Variants in ABCA8 observed in about 807,000 individuals in gnomAD.
ABCA8 encodes the protein ATP binding cassette subfamily A member 8.
Under a neutral mutation model 192.3 loss-of-function variants are expected in ABCA8, and 177 were observed. The observed-to-expected ratio is 0.92, with a 90% CI of 0.81 to 1.04. ABCA8 has a LOEUF of 1.04. Ranked by LOEUF, ABCA8 falls within the 50% of genes least tolerant of loss-of-function variation. ABCA8 has a pLI of 0.00. For synonymous variants in ABCA8, 642 were observed against 690.2 expected (o/e 0.93, Z 1.09); for missense variants, 1,915 against 1,904.8 (o/e 1.01, Z -0.10).
Position 68,918,159 on chromosome 17 carries a change from A to G in ABCA8, c.1935T>C (p.Ala645=). 1.2e-6 allele frequency: 2 copies of G among 1,614,208 alleles called. No individual in the cohort carries two copies. Among genetic ancestry groups the G allele is most frequent in the South Asian group, 1.1e-5 (1 of 91,082 alleles). The change falls in exon 16 of 40, where the codon GCT becomes GCC. Residue 645 remains alanine (A), a synonymous_variant. Transcript: ENST00000586539. ...PQIFLLDEPT[A]GLDPFSRHQV... is the part of the protein sequence containing the mutation. ...GGTGTCTTGAAAAGGGATCCAATCC[A>G]GCAGTTGGTTCATCCAACAGGAAAA...
At chr17:68,937,259 G>A in intron 4 of ABCA8, 144 bp from the exon 5 acceptor site, 1 of 677,210 alleles carries the variant, frequency 1.5e-6, no homozygotes, top group Non-Finnish European at 2.3e-6. Context: ...AGACTAAAAT[G>A]TTGGGTGGGA....
Position 68,876,718 on chromosome 17 carries a change from A to C in ABCA8, c.4200-15T>G, listed in dbSNP as rs1243409267. ...CATCCACTAACCTGAAGGAAACAGG[A>C]GAGTCGTACAGTCTTCTTGACAAGA... On this transcript the variant is annotated splice_polypyrimidine_tract_variant and intron_variant, in intron 33 of 39. Coordinates refer to ENST00000586539, the MANE Select transcript of ABCA8 (RefSeq NM_001288985.2). The C allele has an allele frequency of 1.2e-5, 19 of 1,614,090 alleles. No individual in the cohort carries two copies. The highest frequency in any genetic ancestry group is 2.7e-5 in the African/African-American group (2 of 75,052).
chr17:68,943,025 A>G (rs9894190), intron 2 of ABCA8, among the ~76,000 whole-genome samples: 9,819 of 152,174 alleles, frequency 0.065, 1,062 homozygotes, highest in African/African-American at 0.22. Context: ...TGATCTATCT[A>G]AGACAATTTA....
intron 3 of ABCA8, among the ~76,000 whole-genome samples, chr17:68,941,268 T>G (rs2068223315): frequency 1.3e-5 from 2 of 152,128 alleles, no homozygotes; most frequent in African/African-American, 4.8e-5. Context: ...GTATCTTCGT[T>G]AGTTATAAAT....
intron 2 of ABCA8, among the ~76,000 whole-genome samples, chr17:68,943,793 G>A (rs988459217): frequency 5.9e-5 from 9 of 151,940 alleles, no homozygotes; most frequent in East Asian, 1.9e-4. Context: ...CACAGCTTGC[G>A]TGTTTGTTTA....
In ABCA8 at chr17:68,911,693, G is replaced by A. The variant is rs1277681749; in HGVS notation, c.2139-3814C>T. On this transcript the variant is annotated intron_variant, in intron 17 of 39. Coordinates refer to ENST00000586539, the MANE Select transcript of ABCA8 (RefSeq NM_001288985.2). The surrounding 1 kb of genome is among the most constrained non-coding windows in gnomAD (Gnocchi z 5.7). ...ATAATCCTAGTGGTGGTGGCCACAG[G>A]GGTGCTTGTGTCACCCCTCTGCCAG... Among the ~76,000 whole-genome samples the A allele has an allele frequency of 6.6e-6, 1 of 151,524 alleles. No individual in the cohort carries two copies.
At chr17:68,922,563 A>G (rs1284764721) in intron 11 of ABCA8, among the ~76,000 whole-genome samples, 1 of 152,020 alleles carries the variant, frequency 6.6e-6, no homozygotes, top group Non-Finnish European at 1.5e-5. Context: ...GGTTCCATAG[A>G]TTGGGGTATA....
chr17:68,919,345 A>G lies in ABCA8; in HGVS notation c.1744T>C (p.Phe582Leu), dbSNP rs762872382. Residue 582 changes from phenylalanine (F) to leucine (L), a missense_variant, in exon 14 of 40, where the codon TTT becomes CTT. Physicochemically the swap from Phe to Leu is conservative, Grantham distance 22 (BLOSUM62 0). Transcript: ENST00000586539. The part of the protein sequence containing the change: ...FLTVRENLRL[F>L]AKIKGILPQE... Reference sequence around the variant, plus strand: ...GGCAGAATCCCTTTTATTTTAGCAAAGAGTCTGAGGTTTTCTCTTACAGTG... The same window carrying G: ...GGCAGAATCCCTTTTATTTTAGCAAGGAGTCTGAGGTTTTCTCTTACAGTG... The G allele has an allele frequency of 7.4e-6, 12 of 1,613,174 alleles. No homozygotes were observed. Among genetic ancestry groups the G allele is most frequent in the African/African-American group, 1.3e-5 (1 of 75,028 alleles).
At chr17:68,946,323 C>T (rs1191003716) in intron 2 of ABCA8, among the ~76,000 whole-genome samples, 2 of 152,144 alleles carry the variant, frequency 1.3e-5, no homozygotes, top group Non-Finnish European at 2.9e-5. Flanking sequence ...ACGTTGGCCT[C>T]CCAAAGTGCT....
intron 38 of ABCA8, 72 bp downstream of exon 38, chr17:68,869,628 C>G: frequency 9.1e-7 from 1 of 1,097,018 alleles, no homozygotes; most frequent in Non-Finnish European, 1.4e-6. Context: ...TCATTTTTGT[C>G]ATAAAGGTGA....
intron 14 of ABCA8, among the ~76,000 whole-genome samples, chr17:68,918,870 C>T (rs1380703203): frequency 1.4e-5 from 2 of 139,512 alleles, no homozygotes; most frequent in East Asian, 4.3e-4. Context: ...GCAAATGTTA[C>T]AGTGAGCCGG....
At position 68,929,711 on chromosome 17, in the gene ABCA8, G is replaced by A; in HGVS notation, c.798-9C>T. The A allele has an allele frequency of 6.3e-7, 1 of 1,588,302 alleles. No homozygotes were observed. Among genetic ancestry groups the A allele is most frequent in the Non-Finnish European group, 8.5e-7 (1 of 1,171,526 alleles). On this transcript the variant is annotated splice_polypyrimidine_tract_variant and intron_variant, in intron 7 of 39. Coordinates refer to ENST00000586539, the MANE Select transcript of ABCA8 (RefSeq NM_001288985.2). Reference sequence around the variant, plus strand: ...GCAAACCCCAGGAGAGCCTAATGTGGAAACAAAATGTTATTTTAGTATTTT... The same window carrying A: ...GCAAACCCCAGGAGAGCCTAATGTGAAAACAAAATGTTATTTTAGTATTTT...
rs1313133709 is a variant in ABCA8 at position 68,906,023 on chromosome 17, A to C, written c.2398+21T>G. 3 of 1,548,866 alleles carry C rather than the reference A, an allele frequency of 1.9e-6. No homozygotes were observed. In the Admixed American group the frequency reaches 5.9e-5, roughly 31 times the overall value. ...TTGAAATATGTGCTTTTACATAATA[A>C]TTTTCATGCATTTTATTTACCCGAT... On this transcript the variant is annotated intron_variant, in intron 19 of 39. Coordinates refer to ENST00000586539, the MANE Select transcript of ABCA8 (RefSeq NM_001288985.2).
chr17:68,928,797 C>T (rs1300109819), intron 9 of ABCA8, among the ~76,000 whole-genome samples: 1 of 152,074 alleles, frequency 6.6e-6, no homozygotes, highest in African/African-American at 2.4e-5. Flanking sequence ...TAATTAATAG[C>T]CTAAGAAAAT....
At chr17:68,941,854 G>A in intron 3 of ABCA8, 85 bp downstream of exon 3, 1 of 895,320 alleles carries the variant, frequency 1.1e-6, no homozygotes, top group South Asian at 1.6e-5. Flanking sequence ...TATGTGTCGG[G>A]GGAGATACAC....
intron 27 of ABCA8, 154 bp from the exon 28 acceptor site, chr17:68,884,550 C>T (rs769920703): frequency 4.4e-5 from 59 of 1,332,240 alleles, no homozygotes; most frequent in Non-Finnish European, 5.4e-5. Context: ...GGGCTGTCTT[C>T]CTTCCTCCCA....
intron 23 of ABCA8, 128 bp downstream of exon 23, chr17:68,894,045 A>G (rs1333847457): frequency 3.0e-6 from 3 of 1,011,344 alleles, no homozygotes; most frequent in Non-Finnish European, 4.5e-6. Context: ...CAGAACTAGA[A>G]TGAGTCCAAA....
intron 28 of ABCA8, among the ~76,000 whole-genome samples, 159 bp from the exon 29 acceptor site, chr17:68,884,041 A>G (rs2066399068): frequency 6.6e-6 from 1 of 152,206 alleles, no homozygotes; most frequent in African/African-American, 2.4e-5. Context: ...TATCAAGTTC[A>G]TTTTCAATCT....
chr17:68,890,108 T>C (rs1316894815), intron 24 of ABCA8, among the ~76,000 whole-genome samples: 1 of 152,226 alleles, frequency 6.6e-6, no homozygotes, highest in Non-Finnish European at 1.5e-5. Flanking sequence ...AGCATATTTT[T>C]AACTTTATAA....
Sources: allele counts gnomAD v4.1 joint callset (sites outside exome capture counted in the v4.1 genomes callset), GRCh38; gene constraint gnomAD v4.1.1; non-coding constraint Gnocchi (gnomAD v3.1); transcripts MANE v1.5; gene names NCBI Gene and HGNC (gene_info 2026-07-23, HGNC 2026-07-21).